The following TLE4 variants were observed in gnomAD, a reference collection of about 807,000 sequenced individuals.
TLE4 encodes the protein transducin-like enhancer protein 4.
A neutral mutation model predicts 92.8 loss-of-function variants in TLE4; 8 were observed. The ratio of observed to expected loss-of-function variants is 0.09; its 90% confidence interval spans 0.05 to 0.16. The LOEUF is 0.16. Ranked by LOEUF, TLE4 falls within the 10% of genes least tolerant of loss-of-function variation. TLE4 has a pLI of 1.00. For synonymous variants in TLE4, 371 were observed against 374.1 expected (o/e 0.99, Z 0.10); for missense variants, 675 against 997.6 (o/e 0.68, Z 4.36).
chr9:79,666,126 A>G (rs1016318054), intron 8 of TLE4, among the ~76,000 whole-genome samples: 1 of 146,324 alleles, frequency 6.8e-6, no homozygotes, highest in Non-Finnish European at 1.5e-5. Flanking sequence ...AGCAGGAATG[A>G]GGTGGAATGA....
chr9:79,694,072 C>A (rs1030509783), intron 8 of TLE4, among the ~76,000 whole-genome samples: 6 of 152,048 alleles, frequency 3.9e-5, no homozygotes, highest in Non-Finnish European at 2.9e-5. Flanking sequence ...CACAGTGCCA[C>A]CAGCAAGACA....
chr9:79,627,101 TTTAAGTG>T (rs2052810320), intron 5 of TLE4, among the ~76,000 whole-genome samples: 1 of 152,082 alleles, frequency 6.6e-6, no homozygotes, highest in South Asian at 2.1e-4. Flanking sequence ...TACCATAACT[TTTAAGTG>T]AAATTTAAGC....
intron 8 of TLE4, among the ~76,000 whole-genome samples, chr9:79,670,450 A>G (rs953040065): frequency 3.3e-5 from 5 of 152,184 alleles, no homozygotes; most frequent in African/African-American, 4.8e-5. Context: ...GGGTAAGCAT[A>G]TTTTTGTAAA....
At chr9:79,707,078 T>A in intron 11 of TLE4, 179 bp downstream of exon 11, 1 of 1,598,634 alleles carries the variant, frequency 6.3e-7, no homozygotes, top group Non-Finnish European at 8.6e-7. Flanking sequence ...TTTACTAACT[T>A]GTTGGTGATG....
chr9:79,650,620 T>C (rs1478975412), intron 6 of TLE4, among the ~76,000 whole-genome samples: 1 of 152,186 alleles, frequency 6.6e-6, no homozygotes, highest in Admixed American at 6.5e-5. Flanking sequence ...TAACAGTATG[T>C]AAAGAATTAT....
At chr9:79,658,366 C>T (rs547450394) in intron 8 of TLE4, among the ~76,000 whole-genome samples, 1 of 152,144 alleles carries the variant, frequency 6.6e-6, no homozygotes, top group South Asian at 2.1e-4. Flanking sequence ...GGTATATACA[C>T]TGTTTTTTTC....
chr9:79,601,843 G>A (rs1316275781), intron 4 of TLE4, among the ~76,000 whole-genome samples: 1 of 152,208 alleles, frequency 6.6e-6, no homozygotes. Flanking sequence ...TAACCTTAGA[G>A]TGGAAGGCAT....
At chr9:79,589,774 C>A (rs895072419) in intron 4 of TLE4, among the ~76,000 whole-genome samples, 6 of 152,170 alleles carry the variant, frequency 3.9e-5, no homozygotes, top group African/African-American at 9.7e-5. Flanking sequence ...ATATGATAGA[C>A]CGGGCTGCCT....
chr9:79,577,880 TC>T (rs1035457847), intron 4 of TLE4, among the ~76,000 whole-genome samples: 1 of 152,182 alleles, frequency 6.6e-6, no homozygotes, highest in Non-Finnish European at 1.5e-5. Flanking sequence ...GTATGTGAAA[TC>T]CCTTAATTTT....
chr9:79,620,350 T>TA (rs2050660414), intron 5 of TLE4, among the ~76,000 whole-genome samples: 1 of 152,242 alleles, frequency 6.6e-6, no homozygotes, highest in African/African-American at 2.4e-5. Context: ...GGCTGTCATA[T>TA]TATTAGCACA....
intron 15 of TLE4, 113 bp downstream of exon 15, chr9:79,719,084 T>C (rs2075117661): frequency 1.4e-6 from 2 of 1,450,860 alleles, no homozygotes; most frequent in East Asian, 2.4e-5. Flanking sequence ...AGGTGGATAG[T>C]TGCTCTTCAG....
At chr9:79,670,452 T>G (rs984448909) in intron 8 of TLE4, among the ~76,000 whole-genome samples, 1 of 152,196 alleles carries the variant, frequency 6.6e-6, no homozygotes, top group Non-Finnish European at 1.5e-5. Context: ...GTAAGCATAT[T>G]TTTGTAAAAG....
At chr9:79,575,749 C>A (rs994733260) in intron 3 of TLE4, 1 of 163,994 alleles carries the variant, frequency 6.1e-6, no homozygotes, top group South Asian at 2.0e-4. Flanking sequence ...TTCCAACCTT[C>A]CTTTCAAAAC....
chr9:79,717,076 G>C (rs1004459012), intron 14 of TLE4, among the ~76,000 whole-genome samples: 1 of 152,094 alleles, frequency 6.6e-6, no homozygotes, highest in Non-Finnish European at 1.5e-5. Context: ...TCTGTATCTG[G>C]TCTGCTTTTC....
rs533070048 is a variant in TLE4, at chr9:79,581,324, G to A, written c.252+5147G>A. 7.2e-5 allele frequency among the ~76,000 whole-genome samples: 11 copies of A among 152,306 alleles called. No individual in the cohort carries two copies. In the South Asian group the frequency reaches 1.9e-3, roughly 26 times the overall value. On this transcript the variant is annotated intron_variant, in intron 4 of 19. Coordinates refer to ENST00000376552, the MANE Select transcript of TLE4 (RefSeq NM_007005.6). Reference sequence around the variant, plus strand: ...CTTTTACTTATTACAGCACCTGCACGGGAAGCAGATCTGGAGGATGAAATT... The same window carrying A: ...CTTTTACTTATTACAGCACCTGCACAGGAAGCAGATCTGGAGGATGAAATT...
intron 8 of TLE4, among the ~76,000 whole-genome samples, chr9:79,688,103 T>G (rs1221675633): frequency 6.6e-6 from 1 of 152,130 alleles, no homozygotes; most frequent in Non-Finnish European, 1.5e-5. Flanking sequence ...TCTTCACATT[T>G]TAATAGTCTC....
chr9:79,622,196 A>G (rs1274813828), intron 5 of TLE4, among the ~76,000 whole-genome samples: 1 of 151,848 alleles, frequency 6.6e-6, no homozygotes, highest in Non-Finnish European at 1.5e-5. Flanking sequence ...TGCTACACTC[A>G]TGTCTTCATC....
rs1278442758 is a variant in TLE4 at position 79,627,760 on chromosome 9, A to G, written c.390+312A>G. 7 of 299,696 alleles carry G rather than the reference A, an allele frequency of 2.3e-5. No individual in the cohort carries two copies. The South Asian group carries it at 3.4e-4, about 15-fold the overall frequency. The allele number at this position is 299,696 out of a possible 1,614,324, so 18.6% of individuals were successfully genotyped here. A position where few individuals can be genotyped will look rare whatever the true frequency, so the allele number is the denominator to read the frequency against. The stretch of plus-strand genomic sequence containing the variant: ...CTAGGCCAAAAAAAAAAAGAGATAT[A>G]GATTGCCCTGACGTTAAAATGACCT... On this transcript the variant is annotated intron_variant, in intron 6 of 19. Coordinates refer to ENST00000376552, the MANE Select transcript of TLE4 (RefSeq NM_007005.6).
intron 6 of TLE4, chr9:79,649,751 A>G (rs765608296): frequency 3.9e-6 from 5 of 1,289,450 alleles, no homozygotes; most frequent in South Asian, 3.7e-5. Context: ...ATGTATAACT[A>G]TGATTTCTGC....
Sources: gnomAD v4.1 joint callset for allele counts (sites outside exome capture counted in the v4.1 genomes callset) on GRCh38, gnomAD v4.1.1 for gene constraint, MANE v1.5 for transcripts, NCBI Gene and HGNC (gene_info 2026-07-23, HGNC 2026-07-21) for gene names.